The following KDR variants were observed in gnomAD, a reference collection of about 807,000 sequenced individuals.
The protein encoded by KDR is vascular endothelial growth factor receptor 2.
Under a neutral mutation model 160.9 loss-of-function variants are expected in KDR, and 43 were observed. That is an observed-to-expected ratio of 0.27 (90% CI 0.21 to 0.34). The LOEUF (loss-of-function observed/expected upper bound fraction) is 0.34, where lower values mean the gene tolerates loss of function less well. KDR is among the 10% of genes least tolerant of loss of function. The probability of loss-of-function intolerance (pLI) is 1.00; values close to 1 mark genes in which losing one functional copy is unlikely to be tolerated. For missense variants in KDR, 1,469 were observed against 1,666.4 expected (o/e 0.88, Z 2.06); for synonymous variants, 617 against 600.1 (o/e 1.03, Z -0.41).
intron 7 of KDR, 141 bp from the exon 8 acceptor site, chr4:55,110,909 G>C (rs1009301305): frequency 1.4e-6 from 1 of 694,068 alleles, no homozygotes; most frequent in Non-Finnish European, 2.5e-6. Flanking sequence ...TCTTTCAGTG[G>C]GTCACTTTTC....
chr4:55,100,360 A>G (rs759098318), intron 15 of KDR, among the ~76,000 whole-genome samples: 15 of 152,214 alleles, frequency 9.9e-5, no homozygotes, highest in Non-Finnish European at 2.2e-4. Context: ...TAGAGGATAA[A>G]AAGTTCAAAG....
chr4:55,092,774 A>T (rs1361238204), intron 21 of KDR, 60 bp from the exon 22 acceptor site: 3 of 1,203,878 alleles, frequency 2.5e-6, no homozygotes, highest in Non-Finnish European at 3.7e-6. Flanking sequence ...TGATGTTTCT[A>T]AGTTTGCTAG....
chr4:55,114,239 T>C lies in KDR; in HGVS notation c.685A>G (p.Ser229Gly). 1 of 1,613,912 alleles carries C rather than the reference T, an allele frequency of 6.2e-7. No individual in the cohort carries two copies. Among genetic ancestry groups the C allele is most frequent in the Non-Finnish European group, 8.5e-7 (1 of 1,179,876 alleles). Reference sequence around the variant, plus strand: ...GATAGTTCAATTCCATGAGACGGACTCAGAACCACATCATAAATCCTATAC... The same window carrying C: ...GATAGTTCAATTCCATGAGACGGACCCAGAACCACATCATAAATCCTATAC... ...VGYRIYDVVLSPSHGIELSVG... is the reference protein window; with the variant it reads ...VGYRIYDVVLGPSHGIELSVG... The change falls in exon 6 of 30, where the codon AGT becomes GGT. Residue 229 changes from serine (S) to glycine (G), a missense_variant. Physicochemically the swap from Ser to Gly is moderately conservative, Grantham distance 56 (BLOSUM62 0). Coordinates refer to ENST00000263923, the MANE Select transcript of KDR (RefSeq NM_002253.4).
At chr4:55,096,572 C>T (rs1156958515) in intron 18 of KDR, 4 of 558,942 alleles carry the variant, frequency 7.2e-6, no homozygotes, top group Non-Finnish European at 9.6e-6. Flanking sequence ...TTTAAAGGAA[C>T]CCATTGTGAA....
chr4:55,099,279 C>A (rs977158729), intron 15 of KDR, among the ~76,000 whole-genome samples: 2 of 152,166 alleles, frequency 1.3e-5, no homozygotes, highest in Admixed American at 6.5e-5. Flanking sequence ...CTTGGCCTCC[C>A]AAAGTGCAGG....
chr4:55,081,878 T>G (rs540298117), intron 29 of KDR, 78 bp downstream of exon 29: 3 of 951,986 alleles, frequency 3.2e-6, no homozygotes, highest in African/African-American at 3.2e-5. Flanking sequence ...GGGAAAATTC[T>G]GCACTTACAC....
intron 7 of KDR, among the ~76,000 whole-genome samples, chr4:55,112,305 G>A (rs1441725213): frequency 6.6e-6 from 1 of 151,914 alleles, no homozygotes; most frequent in Non-Finnish European, 1.5e-5. Flanking sequence ...AGACCTTTAT[G>A]ATGATCCACT....
intron 7 of KDR, among the ~76,000 whole-genome samples, chr4:55,112,319 A>T (rs1720608228): frequency 6.6e-6 from 1 of 152,056 alleles, no homozygotes; most frequent in African/African-American, 2.4e-5. Context: ...ATCCACTTAC[A>T]CTTAATGAAT....
rs1720397512 is a variant in KDR at position 55,104,743 on chromosome 4, A to G, written c.1887T>C (p.Leu629=). 1 of 1,613,846 alleles carries G rather than the reference A, an allele frequency of 6.2e-7. No individual in the cohort carries two copies. The highest frequency in any genetic ancestry group is 1.1e-5 in the South Asian group (1 of 91,094). The change falls in exon 13 of 30, where the codon CTT becomes CTC. Residue 629 remains leucine, a synonymous_variant. Coordinates refer to ENST00000263923, the MANE Select transcript of KDR (RefSeq NM_002253.4). ...NSTNDILIME[L]KNASLQDQGD... The stretch of plus-strand genomic sequence containing the variant: ...CTTGGTCCTGCAAGGATGCATTCTT[A>G]AGCTCCATGATCAAAATGTCATTTG...
chr4:55,113,111 T>C (rs1008053059), intron 7 of KDR, among the ~76,000 whole-genome samples, 193 bp downstream of exon 7: 1 of 152,230 alleles, frequency 6.6e-6, no homozygotes, highest in African/African-American at 2.4e-5. Flanking sequence ...ATCTCATCTT[T>C]AAAGTTGAGG....
intron 3 of KDR, among the ~76,000 whole-genome samples, chr4:55,116,742 A>T (rs1720745435): frequency 6.6e-6 from 1 of 152,190 alleles, no homozygotes; most frequent in Non-Finnish European, 1.5e-5. Flanking sequence ...CTAGCCCACC[A>T]CATGCCATAG....
intron 7 of KDR, 73 bp downstream of exon 7, chr4:55,113,231 A>T: frequency 6.7e-7 from 1 of 1,485,976 alleles, no homozygotes; most frequent in Non-Finnish European, 9.4e-7. Context: ...AATAGGAATC[A>T]CTAAGTGACC....
Position 55,098,705 on chromosome 4 carries a change from C to A in KDR, c.2365G>T (p.Val789Phe), listed in dbSNP as rs374386254. The A allele has an allele frequency of 1.9e-6, 3 of 1,610,476 alleles. No homozygotes were observed. The highest frequency in any genetic ancestry group is 2.2e-5 in the East Asian group (1 of 44,818). ...WLLLVIILRT[V>F]KRANGGELKT... ...GGAAATTATTTTTTTACCCGCTTAA[C>A]GGTCCGTAGGATGATGACAAGAAGT... Residue 789 changes from valine to phenylalanine, a missense_variant, in exon 16 of 30, where the codon GTT becomes TTT. Physicochemically the swap from Val to Phe is conservative, Grantham distance 50. Coordinates refer to ENST00000263923, the MANE Select transcript of KDR (RefSeq NM_002253.4).
chr4:55,102,186 G>T (rs1464756919), intron 14 of KDR, among the ~76,000 whole-genome samples, 158 bp from the exon 15 acceptor site: 1 of 152,064 alleles, frequency 6.6e-6, no homozygotes, highest in Non-Finnish European at 1.5e-5. Flanking sequence ...CTCCTATATG[G>T]CTTTCATGAA....
At chr4:55,109,554 A>C (rs1340365553) in intron 9 of KDR, among the ~76,000 whole-genome samples, 1 of 152,160 alleles carries the variant, frequency 6.6e-6, no homozygotes, top group African/African-American at 2.4e-5. Context: ...CATTTCTCAA[A>C]CTGTTTGGAG....
intron 22 of KDR, among the ~76,000 whole-genome samples, chr4:55,091,006 C>T (rs926766696): frequency 6.6e-6 from 1 of 151,966 alleles, no homozygotes; most frequent in Non-Finnish European, 1.5e-5. Context: ...AGGTGTGCCA[C>T]CACGCCCAGC....
chr4:55,123,720 A>T (rs1720954801), intron 1 of KDR, among the ~76,000 whole-genome samples: 1 of 152,222 alleles, frequency 6.6e-6, no homozygotes, highest in Non-Finnish European at 1.5e-5. Flanking sequence ...ACTACTCAAT[A>T]AAAAGCCCTT....
At chr4:55,113,218 CA>C in intron 7 of KDR, 85 bp downstream of exon 7, 1 of 1,403,140 alleles carries the variant, frequency 7.1e-7, no homozygotes, top group South Asian at 1.2e-5. Context: ...TCTGAATGAA[CA>C]AAATAGGAAT....
chr4:55,088,666 C>T (rs923716548), intron 26 of KDR, among the ~76,000 whole-genome samples: 10 of 152,022 alleles, frequency 6.6e-5, no homozygotes, highest in Non-Finnish European at 1.3e-4. Context: ...GGTCTGCTCC[C>T]GGGTTATAAA....
Sources: gnomAD v4.1 joint callset for allele counts (sites outside exome capture counted in the v4.1 genomes callset) on GRCh38, gnomAD v4.1.1 for gene constraint, MANE v1.5 for transcripts, NCBI Gene and HGNC (gene_info 2026-07-23, HGNC 2026-07-21) for gene names.